Variants in PABPN1L observed in about 807,000 individuals in gnomAD.
The protein encoded by PABPN1L is PABPN1 like, cytoplasmic.
A neutral mutation model predicts 34.0 loss-of-function variants in PABPN1L; 45 were observed. The ratio of observed to expected loss-of-function variants is 1.32; its 90% CI spans 1.04 to 1.70. The LOEUF (loss-of-function observed/expected upper bound fraction) is 1.70. Among genes scored for constraint, PABPN1L ranks in the 40% most tolerant of loss-of-function variants. The pLI, the probability that PABPN1L is intolerant of heterozygous loss-of-function variation, is 0.00. For synonymous variants in PABPN1L, 182 were observed against 152.1 expected (o/e 1.20, Z -1.45); for missense variants, 459 against 367.8 (o/e 1.25, Z -2.03).
chr16:88,867,483 G>A (rs1472128870), upstream of PABPN1L, among the ~76,000 whole-genome samples: 3 of 152,098 alleles, frequency 2.0e-5, no homozygotes, highest in Admixed American at 2.0e-4. Flanking sequence ...CGCCCGACTC[G>A]GCCTCCCGAA....
At chr16:88,866,315 T>G in intron 1 of PABPN1L, 37 bp downstream of exon 1, 1 of 1,532,946 alleles carries the variant, frequency 6.5e-7, no homozygotes, top group Non-Finnish European at 8.8e-7. Context: ...GTGCCCCAGG[T>G]CCCCTGAGAT....
At chr16:88,864,992 G>A in intron 4 of PABPN1L, 30 bp downstream of exon 4, 1 of 1,599,886 alleles carries the variant, frequency 6.3e-7, no homozygotes, top group East Asian at 2.3e-5. Flanking sequence ...TGTCCGCATG[G>A]CCAGTGCCCC....
chr16:88,868,473 G>A (rs1468704404), upstream of PABPN1L, among the ~76,000 whole-genome samples: 1 of 152,172 alleles, frequency 6.6e-6, no homozygotes, highest in Non-Finnish European at 1.5e-5. Flanking sequence ...AGGCATGGTG[G>A]CGGGCGCCTG....
chr16:88,865,462 C>G (rs1402035042), intron 3 of PABPN1L, 101 bp downstream of exon 3: 1 of 1,450,940 alleles, frequency 6.9e-7, no homozygotes, highest in Non-Finnish European at 9.4e-7. Context: ...GGTCAGACCC[C>G]CTTCCCAGCA....
At chr16:88,863,841 G>A (rs1450107589) in intron 6 of PABPN1L, 46 bp from the exon 7 acceptor site, 1 of 1,520,590 alleles carries the variant, frequency 6.6e-7, no homozygotes, top group Admixed American at 2.0e-5. Flanking sequence ...CAGAGGAGAA[G>A]GGGTGGTGGC....
exon 7 of PABPN1L, chr16:88,863,350 C>T (rs1466543337): frequency 1.7e-5 from 5 of 288,012 alleles, no homozygotes; most frequent in African/African-American, 6.7e-5. Flanking sequence ...TTAAAAAGAG[C>T]CCAAGTTTAA....
upstream of PABPN1L, chr16:88,866,799 G>C (rs919321452): frequency 1.5e-5 from 11 of 747,860 alleles, no homozygotes; most frequent in Middle Eastern, 7.9e-4. Context: ...CCTGTCACTC[G>C]GACAGGTACC....
upstream of PABPN1L, chr16:88,866,746 G>C: frequency 8.1e-7 from 1 of 1,229,120 alleles, no homozygotes; most frequent in Non-Finnish European, 1.1e-6. Context: ...CAAAGGCTGA[G>C]TGGGGCTGAG....
exon 7 of PABPN1L, chr16:88,863,583 T>A: frequency 1.2e-6 from 1 of 835,218 alleles, no homozygotes; most frequent in South Asian, 1.4e-5. Context: ...TGGACCACCA[T>A]ACAAGGCCCT....
chr16:88,863,649 C>T (rs1207976699), exon 7 of PABPN1L: 2 of 1,382,264 alleles, frequency 1.4e-6, no homozygotes, highest in African/African-American at 1.6e-5. Context: ...CACCCCTCTC[C>T]TCTGGCCTCG....
chr16:88,865,823 A>G, exon 2 of PABPN1L: 1 of 1,607,690 alleles, frequency 6.2e-7, no homozygotes, highest in Non-Finnish European at 8.5e-7. Context: ...CTCAGGGCTC[A>G]GCAGCTGCCC....
At chr16:88,865,927 G>C (rs1968582044) in exon 2 of PABPN1L, 1 of 1,607,688 alleles carries the variant, frequency 6.2e-7, no homozygotes, top group Middle Eastern at 2.0e-4. Flanking sequence ...CCTTCATCTT[G>C]ATGGCCTCCA....
At chr16:88,865,179 G>T in intron 3 of PABPN1L, 51 bp from the exon 4 acceptor site, 1 of 1,523,860 alleles carries the variant, frequency 6.6e-7, no homozygotes, top group Non-Finnish European at 8.9e-7. Context: ...GCCCTGACTC[G>T]GGGCCTTCTT....
intron 3 of PABPN1L, among the ~76,000 whole-genome samples, 172 bp from the exon 4 acceptor site, chr16:88,865,300 G>C (rs928762131): frequency 2.0e-5 from 3 of 151,362 alleles, no homozygotes; most frequent in African/African-American, 7.3e-5. Context: ...AGGATATCTC[G>C]TATGGAGCGC....
At chr16:88,869,035 C>T (rs980238645), upstream of PABPN1L, among the ~76,000 whole-genome samples, 4 of 152,190 alleles carry the variant, frequency 2.6e-5, no homozygotes, top group Admixed American at 6.5e-5. Context: ...CCTGTAAGCG[C>T]GATGCGAGGA....
upstream of PABPN1L, among the ~76,000 whole-genome samples, chr16:88,869,822 C>T (rs552150773): frequency 7.9e-5 from 12 of 152,384 alleles, no homozygotes; most frequent in African/African-American, 2.2e-4. Flanking sequence ...ACACAAGGCC[C>T]GGCCAGGGCT....
At chr16:88,866,016 A>G (rs1419206987) in intron 1 of PABPN1L, 75 bp from the exon 2 acceptor site, 15 of 1,478,862 alleles carry the variant, frequency 1.0e-5, no homozygotes, top group Non-Finnish European at 1.3e-5. Context: ...GTGGCCTGCC[A>G]GCTCCAGCAG....
chr16:88,869,699 C>T (rs1968662673), upstream of PABPN1L, among the ~76,000 whole-genome samples: 1 of 152,274 alleles, frequency 6.6e-6, no homozygotes. Flanking sequence ...CAACCAGTTC[C>T]ATCCAAGACC....
chr16:88,864,808 G>T (rs746415583), intron 5 of PABPN1L, 45 bp downstream of exon 5: 1 of 1,533,400 alleles, frequency 6.5e-7, no homozygotes, highest in East Asian at 2.4e-5. Flanking sequence ...CAGTGGGCCA[G>T]CCCCTCTGCG....
Sources: allele counts gnomAD v4.1 joint callset (sites outside exome capture counted in the v4.1 genomes callset), GRCh38; gene constraint gnomAD v4.1.1; transcripts MANE v1.5; gene names NCBI Gene and HGNC (gene_info 2026-07-23, HGNC 2026-07-21).